Variants in SAFB2 observed in about 807,000 individuals in gnomAD.
The protein encoded by SAFB2 is scaffold attachment factor B2.
A neutral mutation model predicts 100.6 loss-of-function variants in SAFB2; 32 were observed. The ratio of observed to expected loss-of-function variants is 0.32; its 90% confidence interval spans 0.24 to 0.43. The LOEUF is 0.43. SAFB2 is among the 20% of genes least tolerant of loss of function. The pLI, the probability that SAFB2 is intolerant of heterozygous loss-of-function variation, is 1.00. For synonymous variants in SAFB2, 500 were observed against 439.4 expected (o/e 1.14, Z -1.72); for missense variants, 1,185 against 1,163.4 (o/e 1.02, Z -0.27).
chr19:5,612,776 A>G (rs1181919058), intron 5 of SAFB2, among the ~76,000 whole-genome samples: 1 of 152,174 alleles, frequency 6.6e-6, no homozygotes, highest in Admixed American at 6.5e-5. Context: ...GTCCCTAGTG[A>G]TAACAGTCTG....
At chr19:5,612,622 C>T (rs1327153218) in intron 5 of SAFB2, 55 bp from the exon 6 acceptor site, 4 of 1,391,162 alleles carry the variant, frequency 2.9e-6, no homozygotes, top group Admixed American at 3.5e-5. Flanking sequence ...GGGGCACATA[C>T]ATTTCACCAG....
chr19:5,587,685 G>A lies in SAFB2; in HGVS notation c.2705+16C>T, dbSNP rs190858842. 100 of 1,544,328 alleles carry A rather than the reference G, an allele frequency of 6.5e-5. No homozygotes were observed. The East Asian group carries it at 1.7e-3, about 26-fold the overall frequency. ...GCAGGAGTGAACCACCGTCCTCCAC[G>A]GACGACACACCTTACCCCGCCACTC... is the stretch of plus-strand genomic sequence containing the variant. On this transcript the variant is annotated intron_variant, in intron 20 of 20. Transcript: ENST00000252542. The surrounding 1 kb of genome is among the most constrained non-coding windows in gnomAD (Gnocchi z 4.9).
intron 17 of SAFB2, among the ~76,000 whole-genome samples, chr19:5,590,967 G>A (rs990275755): frequency 6.6e-5 from 10 of 152,168 alleles, no homozygotes; most frequent in Non-Finnish European, 5.9e-5. Flanking sequence ...CGGGGCACCC[G>A]CATGGCACCA....
intron 15 of SAFB2, 88 bp downstream of exon 15, chr19:5,593,803 G>C: frequency 7.6e-7 from 1 of 1,309,562 alleles, no homozygotes; most frequent in Non-Finnish European, 9.9e-7. Context: ...CACCGACAGG[G>C]ACGGAAGGGA....
In SAFB2 at chr19:5,616,440, G is replaced by A. The variant is rs770714831; in HGVS notation, c.321C>T (p.Asp107=). 9.3e-6 allele frequency: 15 copies of A among 1,613,714 alleles called. No homozygotes were observed. The highest frequency in any genetic ancestry group is 4.4e-5 in the South Asian group (4 of 91,046). ...CACTTACCTGCCCGTCTCTGGAATC[G>A]TCTTCCAGGCCATTATCTTCTGTGC... ...EEGTEDNGLE[D]DSRDGQEDME... is the part of the protein sequence containing the mutation. The change falls in exon 3 of 21, where the codon GAC becomes GAT. Residue 107 remains aspartate, a synonymous_variant. Transcript: ENST00000252542.
intron 3 of SAFB2, 31 bp downstream of exon 3, chr19:5,616,391 T>C (rs764402352): frequency 6.2e-7 from 1 of 1,614,108 alleles, no homozygotes; most frequent in Non-Finnish European, 8.5e-7. Context: ...AGGGAGCTGC[T>C]GCTTGTCATC....
chr19:5,612,484 A>T, intron 6 of SAFB2, 56 bp downstream of exon 6: 1 of 1,489,296 alleles, frequency 6.7e-7, no homozygotes, highest in Non-Finnish European at 9.4e-7. Context: ...AGACAGCTTT[A>T]AAATAATAGT....
At chr19:5,609,669 TGA>T (rs1178064694) in intron 9 of SAFB2, among the ~76,000 whole-genome samples, 2 of 152,252 alleles carry the variant, frequency 1.3e-5, no homozygotes, top group South Asian at 2.1e-4. Context: ...CCAAGAACAT[TGA>T]GAGAGAAGCT....
intron 2 of SAFB2, among the ~76,000 whole-genome samples, chr19:5,618,890 T>A (rs2053087689): frequency 6.6e-6 from 1 of 152,202 alleles, no homozygotes. Flanking sequence ...AAACTTAAAT[T>A]TTTAATCCAA....
intron 13 of SAFB2, among the ~76,000 whole-genome samples, chr19:5,596,280 A>G (rs1464648417): frequency 6.6e-6 from 1 of 152,206 alleles, no homozygotes; most frequent in Non-Finnish European, 1.5e-5. Flanking sequence ...TAAAGAGAAT[A>G]TGCCAAAATG....
rs578160003 is a variant in SAFB2, at chr19:5,590,972, G to C, written c.2395-564C>G. On this transcript the variant is annotated intron_variant, in intron 17 of 20. Transcript: ENST00000252542. ...CCACCACGCACGGGGCACCCGCATGGCACCACAGAGACTCAGGGACCATTC... is the reference window on the plus strand; with the variant it reads ...CCACCACGCACGGGGCACCCGCATGCCACCACAGAGACTCAGGGACCATTC... Among the ~76,000 whole-genome samples, 9 of 152,280 alleles carry C rather than the reference G, an allele frequency of 5.9e-5. No homozygotes were observed. In the South Asian group the frequency reaches 1.7e-3, roughly 28 times the overall value.
intron 18 of SAFB2, among the ~76,000 whole-genome samples, chr19:5,589,776 C>T (rs1237624015): frequency 6.6e-6 from 1 of 152,180 alleles, no homozygotes; most frequent in Non-Finnish European, 1.5e-5. Context: ...GGACCTGGCC[C>T]AGTGTCCTCA....
At chr19:5,602,874 T>C (rs1416652015) in intron 11 of SAFB2, among the ~76,000 whole-genome samples, 1 of 152,166 alleles carries the variant, frequency 6.6e-6, no homozygotes, top group African/African-American at 2.4e-5. Context: ...GGATGTGTCT[T>C]TTTGAAGTTG....
chr19:5,604,643 A>C lies in SAFB2; in HGVS notation c.1499T>G (p.Val500Gly). 6.2e-7 allele frequency: 1 copy of C among 1,614,128 alleles called. No homozygotes were observed. Among genetic ancestry groups the C allele is most frequent in the Non-Finnish European group, 8.5e-7 (1 of 1,180,026 alleles). Residue 500 changes from valine to glycine, a missense_variant, in exon 11 of 21, where the codon GTG becomes GGG. Around this residue, in one of 3 missense-constraint regions of SAFB2, gnomAD observed 740 missense variants for 687.1 expected, o/e 1.08. Coordinates refer to ENST00000252542, the MANE Select transcript of SAFB2 (RefSeq NM_014649.3). ...KKLSDRKECE[V>G]KKEKLSSVDR... ...GACACTCGATAATTTTTCCTTCTTC[A>C]CTTCGCACTCTTTTCTGTCGGAAAG...
At chr19:5,592,316 T>C (rs551440048) in intron 16 of SAFB2, among the ~76,000 whole-genome samples, 1 of 152,180 alleles carries the variant, frequency 6.6e-6, no homozygotes, top group African/African-American at 2.4e-5. Context: ...ATAAACTAGA[T>C]GTATTCCTCA....
Position 5,622,512 on chromosome 19 carries a change from A to AC in SAFB2, c.186+17_186+18insG. ...GCCCGGGCCTCCTGCGCCACCCCCG[A>AC]GCCCCGCGCCGCCTCACCTTCTTGA... On this transcript the variant is annotated intron_variant, in intron 1 of 20. Transcript: ENST00000252542. The AC allele has an allele frequency of 3.2e-6, 5 of 1,581,492 alleles. No individual in the cohort carries two copies. The highest frequency in any genetic ancestry group is 3.4e-6 in the Non-Finnish European group (4 of 1,165,594).
At chr19:5,613,786 C>G (rs887766442) in intron 4 of SAFB2, 2 of 979,656 alleles carry the variant, frequency 2.0e-6, no homozygotes, top group Non-Finnish European at 2.4e-6. Context: ...GAATGAATTT[C>G]CCAGGCAGTT....
chr19:5,608,497 G>A (rs1460526036), intron 9 of SAFB2, among the ~76,000 whole-genome samples: 1 of 152,188 alleles, frequency 6.6e-6, no homozygotes, highest in Non-Finnish European at 1.5e-5. Flanking sequence ...TGAACACACA[G>A]ACTGTTCAGA....
chr19:5,607,386 G>A (rs1261208952), intron 9 of SAFB2, among the ~76,000 whole-genome samples: 1 of 152,164 alleles, frequency 6.6e-6, no homozygotes, highest in African/African-American at 2.4e-5. Context: ...TAAACCGTAT[G>A]ACAATAACAT....
Sources: gnomAD v4.1 joint callset for allele counts (sites outside exome capture counted in the v4.1 genomes callset) on GRCh38, gnomAD v4.1.1 for gene constraint, gnomAD v4.1.1 regional missense constraint, Gnocchi (gnomAD v3.1) non-coding constraint, MANE v1.5 for transcripts, NCBI Gene and HGNC (gene_info 2026-07-23, HGNC 2026-07-21) for gene names.